Variants in LARP4B observed in about 807,000 individuals in gnomAD.
LARP4B encodes La ribonucleoprotein 4B.
In LARP4B, 12 loss-of-function variants were observed where a neutral mutation model predicts 89.8. That is an observed-to-expected ratio of 0.13 (90% CI 0.09 to 0.22). The LOEUF (loss-of-function observed/expected upper bound fraction) is 0.22, where lower values mean the gene tolerates loss of function less well. Among genes scored for constraint, LARP4B ranks in the 10% least tolerant of loss-of-function variants. LARP4B has a pLI of 1.00. For synonymous variants in LARP4B, 367 were observed against 363.3 expected, an observed-to-expected ratio of 1.01 and a Z score of -0.12; for missense variants, 757 against 947.7, an observed-to-expected ratio of 0.80 and a Z score of 2.64.
At chr10:845,778 T>C (rs1409731119) in intron 5 of LARP4B, among the ~76,000 whole-genome samples, 1 of 152,240 alleles carries the variant, frequency 6.6e-6, no homozygotes, top group Non-Finnish European at 1.5e-5. Context: ...GGTATTTTAA[T>C]AATGTTGCGA....
the LARP4B span, chr10:972,322 C>T: frequency 2.7e-6 from 1 of 375,390 alleles, no homozygotes; most frequent in Non-Finnish European, 5.2e-6. Flanking sequence ...GCAACCGCAC[C>T]CAGCCTCTCT....
At chr10:964,058 G>C in the LARP4B span, among the ~76,000 whole-genome samples, 1 of 152,126 alleles carries the variant, frequency 6.6e-6, no homozygotes, top group Non-Finnish European at 1.5e-5. Flanking sequence ...AGTTGAGGGT[G>C]ATCCAAATCT....
At chr10:832,229 G>A (rs529602826) in intron 8 of LARP4B, among the ~76,000 whole-genome samples, 2 of 152,018 alleles carry the variant, frequency 1.3e-5, no homozygotes, top group East Asian at 1.9e-4. Flanking sequence ...ATTTTTAGTA[G>A]AGATGGGGTT....
chr10:958,685 C>T, the LARP4B span, among the ~76,000 whole-genome samples: 9 of 152,330 alleles, frequency 5.9e-5, no homozygotes, highest in Middle Eastern at 3.4e-3. Context: ...CCTGAAGGGA[C>T]GGGTGAATCC....
intron 1 of LARP4B, among the ~76,000 whole-genome samples, chr10:927,894 T>G (rs767985711): frequency 6.6e-6 from 1 of 152,212 alleles, no homozygotes; most frequent in Non-Finnish European, 1.5e-5. Flanking sequence ...GAGTACTGTA[T>G]GCATGATAAA....
rs139159130 is a variant in LARP4B, at chr10:912,385, A to T, written c.-40+19043T>A. ...CAAATTTGTGTTGGGCCGCATTCAA[A>T]GCCATCCCAGGCCGAGGGTAGGACA... On this transcript the variant is annotated intron_variant, in intron 1 of 17. Transcript: ENST00000316157. 3.0e-4 allele frequency among the ~76,000 whole-genome samples: 45 copies of T among 152,302 alleles called. No homozygotes were observed. The East Asian group carries it at 6.6e-3, about 22-fold the overall frequency.
chr10:958,768 C>T, the LARP4B span, among the ~76,000 whole-genome samples: 4 of 152,212 alleles, frequency 2.6e-5, no homozygotes, highest in Admixed American at 6.5e-5. Context: ...GGTACAGCTT[C>T]GCGTAGACAC....
At chr10:863,388 GA>G (rs758202421) in intron 5 of LARP4B, among the ~76,000 whole-genome samples, 2 of 151,704 alleles carry the variant, frequency 1.3e-5, no homozygotes, top group Non-Finnish European at 2.9e-5. Context: ...ACGCCCAGCT[GA>G]TTTTTTTTGT....
the LARP4B span, among the ~76,000 whole-genome samples, chr10:973,568 G>GTCTCGA: frequency 6.6e-6 from 1 of 151,974 alleles, no homozygotes; most frequent in African/African-American, 2.4e-5. Flanking sequence ...AGCCAGGATG[G>GTCTCGA]TCTCGATCTC....
chr10:818,434 A>G (rs1832176120), intron 14 of LARP4B: 1 of 152,264 alleles, frequency 6.6e-6, no homozygotes, highest in African/African-American at 2.4e-5. Context: ...GGGGGCTCGA[A>G]TTCTCTGAAA....
the LARP4B span, among the ~76,000 whole-genome samples, chr10:938,349 C>A: frequency 6.6e-6 from 1 of 151,198 alleles, no homozygotes; most frequent in Non-Finnish European, 1.5e-5. Context: ...CTCCCGGGTT[C>A]ACGCCATTCT....
intron 5 of LARP4B, among the ~76,000 whole-genome samples, chr10:851,463 T>A (rs1834047455): frequency 6.6e-6 from 1 of 152,136 alleles, no homozygotes; most frequent in Non-Finnish European, 1.5e-5. Flanking sequence ...GGATTACAGG[T>A]GTGAACCACC....
chr10:941,178 G>A, the LARP4B span, among the ~76,000 whole-genome samples: 10 of 152,204 alleles, frequency 6.6e-5, no homozygotes, highest in African/African-American at 1.9e-4. Flanking sequence ...ACCTGTGGGT[G>A]CTGGGGACTC....
intron 11 of LARP4B, among the ~76,000 whole-genome samples, chr10:826,790 C>T (rs774826408): frequency 3.2e-4 from 49 of 152,118 alleles, no homozygotes; most frequent in Non-Finnish European, 5.3e-4. Context: ...TAGAGCCCTC[C>T]TTGTTTGGAG....
At chr10:934,136 G>A (rs939137153), upstream of LARP4B, among the ~76,000 whole-genome samples, 6 of 152,024 alleles carry the variant, frequency 3.9e-5, no homozygotes, top group African/African-American at 4.8e-5. Context: ...CCGGCTGGTA[G>A]GTTAAACTTC....
chr10:848,320 A>G lies in LARP4B; in HGVS notation c.431-3265T>C, dbSNP rs568722576. Reference sequence around the variant, plus strand: ...GAAACCTGGCTGCATCCCAGAACAAATATCAAATATTTAAAGAAATACAAA... The same window carrying G: ...GAAACCTGGCTGCATCCCAGAACAAGTATCAAATATTTAAAGAAATACAAA... On this transcript the variant is annotated intron_variant, in intron 5 of 17. Transcript: ENST00000316157. Among the ~76,000 whole-genome samples the G allele has an allele frequency of 2.6e-5, 4 of 152,296 alleles. No individual in the cohort carries two copies. The South Asian group carries it at 8.3e-4, about 32-fold the overall frequency.
At chr10:942,310 T>C in the LARP4B span, 1 of 152,234 alleles carries the variant, frequency 6.6e-6, no homozygotes, top group African/African-American at 2.4e-5. Flanking sequence ...GAGAAGGGAT[T>C]GAAGCTGCCT....
the LARP4B span, among the ~76,000 whole-genome samples, chr10:949,009 G>A: frequency 6.6e-6 from 1 of 152,240 alleles, no homozygotes; most frequent in African/African-American, 2.4e-5. Flanking sequence ...TCTCCGGGAT[G>A]AACACCCTGG....
At chr10:904,981 A>T (rs1836449506) in intron 1 of LARP4B, among the ~76,000 whole-genome samples, 1 of 152,242 alleles carries the variant, frequency 6.6e-6, no homozygotes, top group South Asian at 2.1e-4. Context: ...CGCTAAATTT[A>T]TTTAAAACAT....
Sources: allele counts gnomAD v4.1 joint callset (sites outside exome capture counted in the v4.1 genomes callset), GRCh38; gene constraint gnomAD v4.1.1; transcripts MANE v1.5; gene names NCBI Gene and HGNC (gene_info 2026-07-23, HGNC 2026-07-21).